Variants in KCNT1 observed in about 807,000 individuals in gnomAD.
The protein encoded by KCNT1 is potassium sodium-activated channel subfamily T member 1.
In KCNT1, 78 loss-of-function variants were observed where a neutral mutation model predicts 147.8. That is an observed-to-expected ratio of 0.53 (90% CI 0.44 to 0.64). KCNT1 has a LOEUF of 0.64. Ranked by LOEUF, KCNT1 falls within the 30% of genes least tolerant of loss-of-function variation. The pLI is 0.00. For synonymous variants in KCNT1, 867 were observed against 748.8 expected (o/e 1.16, Z -2.58); for missense variants, 1,419 against 1,750.3 (o/e 0.81, Z 3.38).
chr9:135,742,273 C>T (rs1211794005), intron 2 of KCNT1, among the ~76,000 whole-genome samples: 1 of 152,328 alleles, frequency 6.6e-6, no homozygotes, highest in East Asian at 1.9e-4. Flanking sequence ...TCGCAGACCT[C>T]GGCATGAGGT....
At chr9:135,758,625 A>C in intron 10 of KCNT1, 117 bp downstream of exon 10, 1 of 828,108 alleles carries the variant, frequency 1.2e-6, no homozygotes, top group Non-Finnish European at 2.0e-6. Flanking sequence ...AGAAAAGGCC[A>C]CAGTGCCTGG....
At position 135,795,013 on chromosome 9, in the gene KCNT1, G is replaced by C. The variant is rs1220559999; in HGVS notation, c.*2852G>C. 6.6e-6 allele frequency: 1 copy of C among 152,144 alleles called. No individual in the cohort carries two copies. The highest frequency in any genetic ancestry group is 2.4e-5 in the African/African-American group (1 of 41,430). The allele number at this position is 152,144 out of a possible 1,614,324, so 9.4% of individuals were successfully genotyped here. A position where few individuals can be genotyped will look rare whatever the true frequency, so the allele number is the denominator to read the frequency against. ...AAGAAGTCATCACTGCCTAGAATAA[G>C]CGAAAAGAATTTTTTTTAATGTTTT... On this transcript the variant is annotated 3_prime_UTR_variant, in exon 31 of 31. Coordinates refer to ENST00000371757, the MANE Select transcript of KCNT1 (RefSeq NM_020822.3).
intron 12 of KCNT1, 44 bp from the exon 13 acceptor site, chr9:135,765,580 G>A (rs1470414611): frequency 1.9e-6 from 3 of 1,580,002 alleles, no homozygotes; most frequent in Non-Finnish European, 2.6e-6. Context: ...CCCGGGCGGG[G>A]CAGGGGCTGG....
chr9:135,785,545 G>A, intron 28 of KCNT1: 1 of 672,122 alleles, frequency 1.5e-6, no homozygotes, highest in African/African-American at 1.8e-5. Flanking sequence ...GGGAAGCTGA[G>A]GCCTGGGGGG....
chr9:135,729,535 T>G (rs1202421914), intron 2 of KCNT1, among the ~76,000 whole-genome samples: 4 of 152,208 alleles, frequency 2.6e-5, no homozygotes, highest in Non-Finnish European at 4.4e-5. Flanking sequence ...TGCGCAGACT[T>G]CTACCCTACA....
At chr9:135,711,761 C>G (rs907933321) in intron 1 of KCNT1, among the ~76,000 whole-genome samples, 6 of 152,316 alleles carry the variant, frequency 3.9e-5, no homozygotes, top group African/African-American at 1.4e-4. Context: ...TCTGATGGGC[C>G]TCAGCTGAGC....
Position 135,750,705 on chromosome 9 carries a change from C to T in KCNT1, c.335-237C>T, listed in dbSNP as rs189921157. The T allele has an allele frequency of 5.6e-3, 3,264 of 583,868 alleles. 46 individuals carry two copies. Among genetic ancestry groups the T allele is most frequent in the Admixed American group, 0.038 (1,256 of 32,832 alleles). The allele number at this position is 583,868 out of a possible 1,614,324, so 36.2% of individuals were successfully genotyped here. A position where few individuals can be genotyped will look rare whatever the true frequency, so the allele number is the denominator to read the frequency against. Reference sequence around the variant, plus strand: ...AAGTGGAGTGGCCTCTAGAAATCCCCTGCACCCCAAGTTCAGGCACCTGTA... The same window carrying T: ...AAGTGGAGTGGCCTCTAGAAATCCCTTGCACCCCAAGTTCAGGCACCTGTA... On this transcript the variant is annotated intron_variant, in intron 3 of 30. Coordinates refer to ENST00000371757, the MANE Select transcript of KCNT1 (RefSeq NM_020822.3).
Position 135,768,658 on chromosome 9 carries a change from G to A in KCNT1, c.1386G>A (p.Val462=). ...ACFILSSRNE[V]DRTAADHQTI... is the part of the protein sequence containing the mutation. ...TCATCCTCAGCAGCAGGAACGAGGT[G>A]GACCGCACGGCTGCAGTGAGTGAGG... is the stretch of plus-strand genomic sequence containing the variant. Residue 462 remains valine (V), a synonymous_variant, in exon 14 of 31, where the codon GTG becomes GTA. Transcript: ENST00000371757. 2 of 1,550,420 alleles carry A rather than the reference G, an allele frequency of 1.3e-6. No homozygotes were observed. The highest frequency in any genetic ancestry group is 1.7e-6 in the Non-Finnish European group (2 of 1,146,804).
At chr9:135,727,301 C>T (rs773715945) in intron 2 of KCNT1, among the ~76,000 whole-genome samples, 4 of 100,066 alleles carry the variant, frequency 4.0e-5, no homozygotes, top group Non-Finnish European at 8.5e-5. Context: ...CCCTGTCCCT[C>T]TCTTTCCCAT....
chr9:135,760,516 G>A (rs1453703565), intron 11 of KCNT1, among the ~76,000 whole-genome samples: 2 of 152,202 alleles, frequency 1.3e-5, no homozygotes, highest in Non-Finnish European at 1.5e-5. Flanking sequence ...GTAGGAGGAA[G>A]AGCCTGAGGA....
In KCNT1 at chr9:135,792,808, G is replaced by A. The variant is rs1216450329; in HGVS notation, c.*647G>A. 6.6e-6 allele frequency: 1 copy of A among 152,290 alleles called. No individual in the cohort carries two copies. The highest frequency in any genetic ancestry group is 1.9e-4 in the East Asian group (1 of 5,192). 9.4% of individuals were successfully genotyped at this position (152,290 alleles called of 1,614,324 possible). The stretch of plus-strand genomic sequence containing the variant: ...GGGCCCTGTCGCCGAGGACCTTTCT[G>A]AAGGAAGCAGAAGACGCCATTTCCT... On this transcript the variant is annotated 3_prime_UTR_variant, in exon 31 of 31. Coordinates refer to ENST00000371757, the MANE Select transcript of KCNT1 (RefSeq NM_020822.3).
rs1833911145 is a variant in KCNT1 at position 135,784,787 on chromosome 9, G to C, written c.3054G>C (p.Trp1018Cys). Reference sequence around the variant, plus strand: ...TGAAAATCACCGAGGGCGACCTGTGGATCCGCACGTACGGCCGCCTCTTCC... The same window carrying C: ...TGAAAATCACCGAGGGCGACCTGTGCATCCGCACGTACGGCCGCCTCTTCC... ...CAMKITEGDL[W>C]IRTYGRLFQK... The change falls in exon 27 of 31, where the codon TGG (tryptophan) becomes TGC (cysteine). Residue 1018 changes from tryptophan (W) to cysteine (C), a missense_variant. Trp to Cys is a radical substitution (Grantham distance 215). This residue lies in a region of KCNT1 where 247 missense variants were observed against 397.1 expected (regional missense o/e 0.62). Transcript: ENST00000371757. The C allele has an allele frequency of 6.2e-7, 1 of 1,612,614 alleles. No individual in the cohort carries two copies. Among genetic ancestry groups the C allele is most frequent in the South Asian group, 1.1e-5 (1 of 91,084 alleles).
At position 135,786,986 on chromosome 9, in the gene KCNT1, T is replaced by A. The variant is rs558431513; in HGVS notation, c.3502+465T>A. Among the ~76,000 whole-genome samples the A allele has an allele frequency of 6.6e-5, 10 of 152,350 alleles. No homozygotes were observed. In the South Asian group the frequency reaches 1.9e-3, roughly 28 times the overall value. ...TGGGCCAGCCAGCTGCAGCCAGGCC[T>A]GCTGGACAGCGGATACCCAGGGTCC... On this transcript the variant is annotated intron_variant, in intron 29 of 30. Coordinates refer to ENST00000371757, the MANE Select transcript of KCNT1 (RefSeq NM_020822.3).
rs192614111 is a variant in KCNT1 at position 135,771,602 on chromosome 9, C to T, written c.2008+507C>T. 4.6e-5 allele frequency among the ~76,000 whole-genome samples: 7 copies of T among 152,328 alleles called. No homozygotes were observed. The East Asian group carries it at 9.6e-4, about 21-fold the overall frequency. On this transcript the variant is annotated intron_variant, in intron 18 of 30. Transcript: ENST00000371757. ...TCAAACAGTCGGGAGTCCTGACGTC[C>T]ACTGGGGCCAGGAGTTGGCGGAATG...
In KCNT1 at chr9:135,770,864, G is replaced by C. The variant is rs779590747; in HGVS notation, c.1777G>C (p.Val593Leu). The C allele has an allele frequency of 6.4e-7, 1 of 1,570,012 alleles. No homozygotes were observed. The highest frequency in any genetic ancestry group is 8.6e-7 in the Non-Finnish European group (1 of 1,156,626). The change falls in exon 18 of 31, where the codon GTG becomes CTG. Residue 593 changes from valine (V) to leucine (L), a missense_variant. Around this residue, in one of 5 missense-constraint regions of KCNT1, gnomAD observed 284 missense variants for 292.8 expected, o/e 0.97. Transcript: ENST00000371757. ...GCCGGTGCCTCTGCCCAGGTATGGC[G>C]TGTGCCTCATCGGGCTGAAGCGGGA... ...AAFHAHKKYG[V>L]CLIGLKREDN...
chr9:135,759,915 C>T (rs1264307307), intron 11 of KCNT1, 56 bp downstream of exon 11: 5 of 1,493,440 alleles, frequency 3.3e-6, no homozygotes, highest in Admixed American at 3.9e-5. Context: ...AGGCGGGTGC[C>T]AGTAGAGGGA....
intron 16 of KCNT1, 79 bp downstream of exon 16, chr9:135,770,134 C>A: frequency 7.1e-7 from 1 of 1,402,524 alleles, no homozygotes; most frequent in Non-Finnish European, 9.7e-7. Flanking sequence ...TGCTTGGGGG[C>A]GGGGATGGGC....
At chr9:135,783,929 T>C (rs925135374) in intron 24 of KCNT1, 95 bp from the exon 25 acceptor site, 29 of 853,194 alleles carry the variant, frequency 3.4e-5, no homozygotes, top group South Asian at 3.3e-4. Context: ...CATGCACACA[T>C]GTACGGTGCA....
At chr9:135,708,380 C>T (rs967032192) in intron 1 of KCNT1, among the ~76,000 whole-genome samples, 4 of 152,244 alleles carry the variant, frequency 2.6e-5, no homozygotes, top group African/African-American at 9.6e-5. Context: ...TTTACACACA[C>T]ATCAGCATGC....
Sources: allele counts gnomAD v4.1 joint callset (sites outside exome capture counted in the v4.1 genomes callset), GRCh38; gene constraint gnomAD v4.1.1; regional missense constraint gnomAD v4.1.1; transcripts MANE v1.5; gene names NCBI Gene and HGNC (gene_info 2026-07-23, HGNC 2026-07-21).